SGMS1: variants seen among roughly 807,000 people sequenced by gnomAD.
SGMS1 encodes the protein phosphatidylcholine:ceramide cholinephosphotransferase 1.
SGMS1 carries 13 observed loss-of-function variants against 46.2 expected under a neutral mutation model. The ratio of observed to expected loss-of-function variants is 0.28; its 90% CI spans 0.18 to 0.45. The LOEUF (loss-of-function observed/expected upper bound fraction) is 0.45. Among genes scored for constraint, SGMS1 ranks in the 20% least tolerant of loss-of-function variants. The pLI, the probability that SGMS1 is intolerant of heterozygous loss-of-function variation, is 1.00. For missense variants in SGMS1, 324 were observed against 519.9 expected, an observed-to-expected ratio of 0.62 and a Z score of 3.66; for synonymous variants, 203 against 187.8, an observed-to-expected ratio of 1.08 and a Z score of -0.66.
chr10:50,562,130 A>G (rs1197078555), intron 2 of SGMS1, among the ~76,000 whole-genome samples: 2 of 152,152 alleles, frequency 1.3e-5, no homozygotes, highest in East Asian at 1.9e-4. Context: ...CTTCTTTAAA[A>G]GTCCCAGTTT....
intron 6 of SGMS1, among the ~76,000 whole-genome samples, chr10:50,425,687 G>T (rs1468890929): frequency 6.6e-6 from 1 of 152,096 alleles, no homozygotes; most frequent in Non-Finnish European, 1.5e-5. Context: ...CCAAAACTCA[G>T]CATCACACAA....
At chr10:50,392,073 T>C (rs1386097523) in intron 6 of SGMS1, among the ~76,000 whole-genome samples, 1 of 152,000 alleles carries the variant, frequency 6.6e-6, no homozygotes, top group Admixed American at 6.5e-5. Context: ...AAAAACTACC[T>C]GTCGAGTACT....
intron 3 of SGMS1, among the ~76,000 whole-genome samples, chr10:50,479,183 C>T (rs768275124): frequency 1.3e-5 from 2 of 152,064 alleles, no homozygotes; most frequent in African/African-American, 2.4e-5. Flanking sequence ...AATTAATGTC[C>T]TAGTGAAACT....
intron 5 of SGMS1, among the ~76,000 whole-genome samples, chr10:50,455,712 A>T (rs1837182404): frequency 2.0e-5 from 3 of 152,226 alleles, no homozygotes; most frequent in Non-Finnish European, 4.4e-5. Context: ...TGAGTCTAGA[A>T]ATAGATAATG....
intron 2 of SGMS1, among the ~76,000 whole-genome samples, chr10:50,588,738 TTTTTTTTTTG>T: frequency 6.8e-6 from 1 of 146,302 alleles, no homozygotes; most frequent in African/African-American, 2.5e-5. Flanking sequence ...TTTTTTTTTT[TTTTTTTTTTG>T]AGACAGGGTC....
At chr10:50,616,442 T>C (rs919485492) in intron 1 of SGMS1, among the ~76,000 whole-genome samples, 1 of 152,202 alleles carries the variant, frequency 6.6e-6, no homozygotes, top group South Asian at 2.1e-4. Flanking sequence ...AGACAGTTTA[T>C]GCTATTTAAA....
At chr10:50,449,627 A>G (rs1334178546) in intron 5 of SGMS1, among the ~76,000 whole-genome samples, 2 of 137,890 alleles carry the variant, frequency 1.5e-5, no homozygotes, top group Non-Finnish European at 3.1e-5. Flanking sequence ...CTTCTCTACA[A>G]ATAGTGTGTG....
chr10:50,432,408 A>G (rs1268297507), intron 6 of SGMS1, among the ~76,000 whole-genome samples: 3 of 152,210 alleles, frequency 2.0e-5, no homozygotes, highest in African/African-American at 7.2e-5. Context: ...CTGTGCTACT[A>G]CATAAGACTT....
chr10:50,350,299 G>A (rs1847986149), intron 6 of SGMS1, among the ~76,000 whole-genome samples: 1 of 152,180 alleles, frequency 6.6e-6, no homozygotes, highest in Non-Finnish European at 1.5e-5. Context: ...TAACCTGGGT[G>A]CTGTTAAAGG....
At chr10:50,342,082 C>T (rs1283159875) in intron 7 of SGMS1, 1 of 152,174 alleles carries the variant, frequency 6.6e-6, no homozygotes, top group Non-Finnish European at 1.5e-5. Context: ...TCAGGGAAAA[C>T]TCAGGAAGCA....
chr10:50,603,534 A>C (rs377673552), intron 1 of SGMS1, among the ~76,000 whole-genome samples: 8 of 152,190 alleles, frequency 5.3e-5, no homozygotes, highest in African/African-American at 1.2e-4. Context: ...AAATTTAAAA[A>C]ACACACACAC....
intron 3 of SGMS1, among the ~76,000 whole-genome samples, chr10:50,467,713 A>C (rs760622006): frequency 6.6e-6 from 1 of 152,200 alleles, no homozygotes; most frequent in Non-Finnish European, 1.5e-5. Context: ...GCTAGGTATA[A>C]TTATTTAGGG....
chr10:50,314,884 G>A (rs533615023), intron 8 of SGMS1, among the ~76,000 whole-genome samples: 2 of 152,214 alleles, frequency 1.3e-5, no homozygotes, highest in South Asian at 4.2e-4. Flanking sequence ...TCATACCGCT[G>A]CACTTCAGCC....
At chr10:50,588,352 G>C (rs891778070) in intron 2 of SGMS1, among the ~76,000 whole-genome samples, 1 of 152,180 alleles carries the variant, frequency 6.6e-6, no homozygotes, top group Non-Finnish European at 1.5e-5. Context: ...ACAATGCTTA[G>C]ATACACAGGG....
At chr10:50,409,739 T>C (rs889803972) in intron 6 of SGMS1, among the ~76,000 whole-genome samples, 6 of 152,114 alleles carry the variant, frequency 3.9e-5, no homozygotes, top group Non-Finnish European at 7.4e-5. Flanking sequence ...TATAAGACTA[T>C]AAAGAGGACA....
At chr10:50,600,743 A>G (rs529857809) in intron 1 of SGMS1, among the ~76,000 whole-genome samples, 16 of 152,344 alleles carry the variant, frequency 1.1e-4, no homozygotes, top group African/African-American at 3.4e-4. Flanking sequence ...AGAGTCTTCT[A>G]TGTGTCAGAC....
chr10:50,379,568 G>A (rs1413562293), intron 6 of SGMS1, among the ~76,000 whole-genome samples: 1 of 151,990 alleles, frequency 6.6e-6, no homozygotes, highest in Non-Finnish European at 1.5e-5. Flanking sequence ...GTTTATACAT[G>A]ATTTATAAAT....
chr10:50,354,721 C>T (rs969351805), intron 6 of SGMS1, among the ~76,000 whole-genome samples: 2 of 152,110 alleles, frequency 1.3e-5, no homozygotes, highest in African/African-American at 4.8e-5. Context: ...CCAGAATCTA[C>T]AATAAACTGA....
chr10:50,374,179 C>T (rs1848488079), intron 6 of SGMS1, among the ~76,000 whole-genome samples: 1 of 152,114 alleles, frequency 6.6e-6, no homozygotes, highest in Admixed American at 6.5e-5. Context: ...TAAAATCAAA[C>T]ATTTACTAAG....
Sources: allele counts gnomAD v4.1 joint callset (sites outside exome capture counted in the v4.1 genomes callset), GRCh38; gene constraint gnomAD v4.1.1; transcripts MANE v1.5; gene names NCBI Gene and HGNC (gene_info 2026-07-23, HGNC 2026-07-21).